NCKAP5: variants seen among roughly 807,000 people sequenced by gnomAD.
NCKAP5 encodes NCK associated protein 5.
NCKAP5 carries 92 observed loss-of-function variants against 167.0 expected under a neutral mutation model. The ratio of observed to expected loss-of-function variants is 0.55; its 90% confidence interval spans 0.47 to 0.66. The LOEUF is 0.66. Ranked by LOEUF, NCKAP5 falls within the 30% of genes least tolerant of loss-of-function variation. The pLI is 0.00. For synonymous variants in NCKAP5, 891 were observed against 877.4 expected (o/e 1.02, Z -0.27); for missense variants, 2,378 against 2,315.0 (o/e 1.03, Z -0.56).
chr2:133,164,435 T>A (rs1237913885), intron 5 of NCKAP5, among the ~76,000 whole-genome samples: 1 of 152,216 alleles, frequency 6.6e-6, no homozygotes, highest in Non-Finnish European at 1.5e-5. Flanking sequence ...CCTGGGTACC[T>A]CATTTGCTTC....
chr2:133,235,029 C>T (rs1574459757), intron 4 of NCKAP5, among the ~76,000 whole-genome samples: 4 of 150,558 alleles, frequency 2.7e-5, no homozygotes, highest in South Asian at 2.1e-4. Flanking sequence ...CCTCAATGCA[C>T]GTTAGGTCCT....
chr2:132,916,005 A>G (rs1558937373), intron 8 of NCKAP5, among the ~76,000 whole-genome samples: 1 of 152,060 alleles, frequency 6.6e-6, no homozygotes, highest in Non-Finnish European at 1.5e-5. Flanking sequence ...ATAAATGTGT[A>G]TACTTTCTCT....
chr2:133,347,261 T>C (rs114778909), intron 3 of NCKAP5, among the ~76,000 whole-genome samples: 1,536 of 152,228 alleles, frequency 0.01, 26 homozygotes, highest in African/African-American at 0.035. Flanking sequence ...AATTATAAAG[T>C]ATAAATATTC....
At chr2:133,464,944 T>C (rs902493925) in intron 3 of NCKAP5, among the ~76,000 whole-genome samples, 8 of 151,872 alleles carry the variant, frequency 5.3e-5, no homozygotes, top group East Asian at 1.9e-4. Context: ...TATAGACTAA[T>C]TGAGAAGATC....
intron 12 of NCKAP5, among the ~76,000 whole-genome samples, chr2:132,791,799 G>A (rs1369882411): frequency 6.6e-6 from 1 of 152,146 alleles, no homozygotes; most frequent in East Asian, 1.9e-4. Context: ...CAGTACTTGT[G>A]GTAAATATTA....
At chr2:133,548,224 T>C (rs1686926552) in intron 2 of NCKAP5, among the ~76,000 whole-genome samples, 1 of 151,964 alleles carries the variant, frequency 6.6e-6, no homozygotes, top group African/African-American at 2.4e-5. Context: ...AATATGGGAC[T>C]ATGTGAAAAG....
chr2:133,464,255 A>T (rs1028303201), intron 3 of NCKAP5, among the ~76,000 whole-genome samples: 2 of 152,322 alleles, frequency 1.3e-5, no homozygotes, highest in Admixed American at 6.5e-5. Flanking sequence ...TTAAATCAAG[A>T]ACTTTTACCT....
chr2:132,683,005 T>C (rs1685445948), intron 19 of NCKAP5, among the ~76,000 whole-genome samples: 1 of 151,762 alleles, frequency 6.6e-6, no homozygotes, highest in Non-Finnish European at 1.5e-5. Context: ...TGCCTCAGTC[T>C]CCCAAGTAGT....
At chr2:133,276,301 G>T (rs1043102787) in intron 4 of NCKAP5, among the ~76,000 whole-genome samples, 1 of 152,130 alleles carries the variant, frequency 6.6e-6, no homozygotes, top group East Asian at 1.9e-4. Flanking sequence ...TTAAGTTTTT[G>T]TGGGAGTCAA....
chr2:133,415,129 C>T (rs187619613), intron 3 of NCKAP5, among the ~76,000 whole-genome samples: 21 of 152,284 alleles, frequency 1.4e-4, no homozygotes, highest in African/African-American at 4.6e-4. Context: ...CCATTGCCCC[C>T]GCTGATGCTG....
At chr2:133,321,021 A>G (rs1682011176) in intron 3 of NCKAP5, among the ~76,000 whole-genome samples, 1 of 152,188 alleles carries the variant, frequency 6.6e-6, no homozygotes, top group Non-Finnish European at 1.5e-5. Flanking sequence ...GACTAGCCCT[A>G]ACCCCAGGAG....
chr2:133,131,782 T>C (rs1025667108), intron 5 of NCKAP5, among the ~76,000 whole-genome samples: 2 of 152,188 alleles, frequency 1.3e-5, no homozygotes, highest in South Asian at 2.1e-4. Flanking sequence ...AGTTAACTCT[T>C]TACAAAAATG....
chr2:133,128,759 G>A (rs151038369), intron 6 of NCKAP5, among the ~76,000 whole-genome samples: 4 of 151,982 alleles, frequency 2.6e-5, no homozygotes, highest in Non-Finnish European at 4.4e-5. Flanking sequence ...CATCATGCCC[G>A]GCTAATTTTT....
intron 3 of NCKAP5, among the ~76,000 whole-genome samples, chr2:133,377,975 G>C (rs901681112): frequency 6.6e-6 from 1 of 152,166 alleles, no homozygotes; most frequent in African/African-American, 2.4e-5. Flanking sequence ...AGTCACAAGC[G>C]AGGACAAACT....
chr2:133,322,995 T>C (rs914703010), intron 3 of NCKAP5, among the ~76,000 whole-genome samples: 1 of 152,200 alleles, frequency 6.6e-6, no homozygotes. Context: ...TTAGGGCCTC[T>C]AGGATTTTGA....
At chr2:133,426,564 A>G (rs561281757) in intron 3 of NCKAP5, among the ~76,000 whole-genome samples, 3 of 152,300 alleles carry the variant, frequency 2.0e-5, no homozygotes, top group African/African-American at 7.2e-5. Flanking sequence ...TCTCTGATGA[A>G]CATGGATGTA....
intron 2 of NCKAP5, among the ~76,000 whole-genome samples, chr2:133,526,537 TG>T (rs1397284410): frequency 1.3e-5 from 2 of 152,198 alleles, no homozygotes; most frequent in Non-Finnish European, 2.9e-5. Context: ...TGTTGCCAGC[TG>T]ATTTCCAGAC....
At position 133,070,501 on chromosome 2, in the gene NCKAP5, C is replaced by T. The variant is rs79581656; in HGVS notation, c.341+59477G>A. On this transcript the variant is annotated intron_variant, in intron 6 of 19. Coordinates refer to ENST00000409261, the MANE Select transcript of NCKAP5 (RefSeq NM_207363.3). The stretch of plus-strand genomic sequence containing the variant: ...TCATATCTCTAGGATATCTAAGGAC[C>T]GACTCCTTAGTTCTCATTTCCTAGG... 9.7e-3 allele frequency among the ~76,000 whole-genome samples: 1,478 copies of T among 152,140 alleles called. 22 individuals carry two copies. The highest frequency in any genetic ancestry group is 0.034 in the African/African-American group (1,402 of 41,500).
the NCKAP5 span, among the ~76,000 whole-genome samples, chr2:133,621,299 A>G: frequency 6.6e-6 from 1 of 152,016 alleles, no homozygotes; most frequent in Non-Finnish European, 1.5e-5. Context: ...AATTGAAACA[A>G]AACAAAAAAA....
Sources: allele counts gnomAD v4.1 joint callset (sites outside exome capture counted in the v4.1 genomes callset), GRCh38; gene constraint gnomAD v4.1.1; transcripts MANE v1.5; gene names NCBI Gene and HGNC (gene_info 2026-07-23, HGNC 2026-07-21).